Variants in ARPP21 observed in about 807,000 individuals in gnomAD.
ARPP21 encodes the protein cAMP-regulated phosphoprotein 21.
In ARPP21, 69 loss-of-function variants were observed where a neutral mutation model predicts 113.2. The ratio of observed to expected loss-of-function variants is 0.61; its 90% CI spans 0.50 to 0.74. The LOEUF is 0.74. Among genes scored for constraint, ARPP21 ranks in the 30% least tolerant of loss-of-function variants. The probability of loss-of-function intolerance (pLI) is 0.00; values close to 1 mark genes in which losing one functional copy is unlikely to be tolerated. For synonymous variants in ARPP21, 368 were observed against 375.5 expected, an observed-to-expected ratio of 0.98 and a Z score of 0.23; for missense variants, 1,070 against 1,037.4, an observed-to-expected ratio of 1.03 and a Z score of -0.43.
chr3:35,710,426 T>C (rs1257567592), intron 11 of ARPP21, among the ~76,000 whole-genome samples: 4 of 152,180 alleles, frequency 2.6e-5, no homozygotes, highest in Non-Finnish European at 4.4e-5. Flanking sequence ...TACAGTGGCC[T>C]GGAAAGTAGC....
chr3:35,660,193 A>C (rs1461592312), intron 1 of ARPP21, among the ~76,000 whole-genome samples: 1 of 152,144 alleles, frequency 6.6e-6, no homozygotes, highest in Non-Finnish European at 1.5e-5. Context: ...TTACTGAAAA[A>C]TCTTTTAAAT....
rs540830537 is a variant in ARPP21, at chr3:35,737,158, A to C, written c.1460-20A>C. 6.6e-7 allele frequency: 1 copy of C among 1,511,346 alleles called. No individual in the cohort carries two copies. Among genetic ancestry groups the C allele is most frequent in the South Asian group, 1.2e-5 (1 of 86,276 alleles). The allele number at this position is 1,511,346 out of a possible 1,614,324, so 93.6% of individuals were successfully genotyped here. On this transcript the variant is annotated intron_variant, in intron 15 of 20. Transcript: ENST00000684406. ...AGAGATTGAGAAGCTTACCTGGACT[A>C]AGTTCTGATTCCATTGCAGGCCAGC... is the stretch of plus-strand genomic sequence containing the variant.
At chr3:35,724,217 T>A (rs1289019907) in intron 14 of ARPP21, among the ~76,000 whole-genome samples, 1 of 152,220 alleles carries the variant, frequency 6.6e-6, no homozygotes. Context: ...TCTTGAGGCC[T>A]GGGCTGCCTA....
intron 1 of ARPP21, among the ~76,000 whole-genome samples, chr3:35,670,724 T>C (rs1305258376): frequency 6.6e-6 from 1 of 152,056 alleles, no homozygotes; most frequent in African/African-American, 2.4e-5. Context: ...TGTGGACACA[T>C]TGAAAAAAAA....
At chr3:35,667,999 GAA>G (rs2075192048) in intron 1 of ARPP21, among the ~76,000 whole-genome samples, 1 of 149,762 alleles carries the variant, frequency 6.7e-6, no homozygotes, top group Non-Finnish European at 1.5e-5. Context: ...AGAAGAAGAA[GAA>G]GAAGAAGAAG....
intron 19 of ARPP21, among the ~76,000 whole-genome samples, chr3:35,788,831 A>T (rs915214256): frequency 1.3e-5 from 2 of 152,212 alleles, no homozygotes; most frequent in African/African-American, 4.8e-5. Context: ...CAACTGTTGT[A>T]TTTTAGTAGA....
chr3:35,665,873 G>A (rs1463036238), intron 1 of ARPP21, among the ~76,000 whole-genome samples: 1 of 152,102 alleles, frequency 6.6e-6, no homozygotes, highest in African/African-American at 2.4e-5. Context: ...TATGTGGAAG[G>A]CAGTAAAATG....
At chr3:35,760,392 C>T (rs1457534005) in intron 19 of ARPP21, among the ~76,000 whole-genome samples, 1 of 152,016 alleles carries the variant, frequency 6.6e-6, no homozygotes, top group Non-Finnish European at 1.5e-5. Flanking sequence ...TGACAACTGC[C>T]ATCTGGCTCT....
intron 1 of ARPP21, among the ~76,000 whole-genome samples, chr3:35,671,972 T>G (rs906916734): frequency 6.6e-6 from 1 of 152,078 alleles, no homozygotes; most frequent in African/African-American, 2.4e-5. Flanking sequence ...AGCACTCTCC[T>G]TTTATCTTTA....
At chr3:35,715,256 T>G in intron 11 of ARPP21, 183 bp from the exon 12 acceptor site, 8 of 569,500 alleles carry the variant, frequency 1.4e-5, no homozygotes, top group East Asian at 8.8e-5. Context: ...CTATGCTGCA[T>G]GAGAATTGTT....
chr3:35,776,226 A>G (rs2096362252), intron 19 of ARPP21, among the ~76,000 whole-genome samples: 1 of 152,182 alleles, frequency 6.6e-6, no homozygotes, highest in South Asian at 2.1e-4. Flanking sequence ...TAATTGAAAT[A>G]TTATGCTTTC....
chr3:35,741,242 T>C (rs1049536784), intron 18 of ARPP21, among the ~76,000 whole-genome samples: 2 of 152,242 alleles, frequency 1.3e-5, no homozygotes, highest in Non-Finnish European at 2.9e-5. Flanking sequence ...AGAAATACTT[T>C]CATTCCTTCT....
intron 13 of ARPP21, among the ~76,000 whole-genome samples, chr3:35,720,688 A>T (rs1364476943): frequency 6.6e-6 from 1 of 152,216 alleles, no homozygotes; most frequent in Non-Finnish European, 1.5e-5. Flanking sequence ...CTTTAGACAG[A>T]TTGGAAACCA....
At chr3:35,643,962 G>A (rs1699190433) in intron 1 of ARPP21, 1 of 151,946 alleles carries the variant, frequency 6.6e-6, no homozygotes, top group Non-Finnish European at 1.5e-5. Context: ...TTTTAAGTCA[G>A]CGATGATGCA....
At chr3:35,701,590 T>C (rs977763065) in intron 9 of ARPP21, among the ~76,000 whole-genome samples, 4 of 151,700 alleles carry the variant, frequency 2.6e-5, no homozygotes, top group African/African-American at 9.7e-5. Context: ...TCTCTTATCC[T>C]TGCAATCTTT....
At chr3:35,726,676 G>A (rs2093564240) in intron 14 of ARPP21, among the ~76,000 whole-genome samples, 1 of 152,066 alleles carries the variant, frequency 6.6e-6, no homozygotes, top group Admixed American at 6.6e-5. Flanking sequence ...TTACTCTTTG[G>A]ATTGGATTGT....
intron 11 of ARPP21, among the ~76,000 whole-genome samples, chr3:35,713,299 T>C (rs973844463): frequency 2.0e-5 from 3 of 152,196 alleles, no homozygotes; most frequent in African/African-American, 7.2e-5. Context: ...TAACTGTATC[T>C]ATCTTATTTA....
At chr3:35,747,478 C>T (rs2095140380) in intron 19 of ARPP21, among the ~76,000 whole-genome samples, 1 of 151,952 alleles carries the variant, frequency 6.6e-6, no homozygotes. Context: ...AAAAAACCTT[C>T]AATTTACAAA....
Position 35,687,727 on chromosome 3 carries a change from T to C in ARPP21, c.262-12T>C, listed in dbSNP as rs1367345716. On this transcript the variant is annotated splice_polypyrimidine_tract_variant and intron_variant, in intron 5 of 20. Coordinates refer to ENST00000684406, the MANE Select transcript of ARPP21 (RefSeq NM_001385562.1). ...AACCTGGCCCTAAATTATTATATTT[T>C]TTCCCCAACAGGAATCAATTCATTT... is the stretch of plus-strand genomic sequence containing the variant. 1.3e-6 allele frequency: 2 copies of C among 1,595,232 alleles called. No individual in the cohort carries two copies. Among genetic ancestry groups the C allele is most frequent in the Non-Finnish European group, 8.5e-7 (1 of 1,173,122 alleles).
Sources: gnomAD v4.1 joint callset for allele counts (sites outside exome capture counted in the v4.1 genomes callset) on GRCh38, gnomAD v4.1.1 for gene constraint, MANE v1.5 for transcripts, NCBI Gene and HGNC (gene_info 2026-07-23, HGNC 2026-07-21) for gene names.